The following SPTBN2 variants were observed in gnomAD, a reference collection of about 807,000 sequenced individuals.
The protein encoded by SPTBN2 is spectrin beta, non-erythrocytic 2, also known as spectrin beta chain, non-erythrocytic 2.
In SPTBN2, 107 loss-of-function variants were observed where a neutral mutation model predicts 284.2. The observed-to-expected ratio is 0.38, with a 90% CI of 0.32 to 0.44. The LOEUF (loss-of-function observed/expected upper bound fraction) is 0.44. Ranked by LOEUF, SPTBN2 falls within the 20% of genes least tolerant of loss-of-function variation. The pLI, the probability that SPTBN2 is intolerant of heterozygous loss-of-function variation, is 1.00. For synonymous variants in SPTBN2, 1,289 were observed against 1,354.8 expected (o/e 0.95, Z 1.07); for missense variants, 2,569 against 3,287.1 (o/e 0.78, Z 5.34).
In SPTBN2 at chr11:66,685,532, C is replaced by A; in HGVS notation, c.*339G>T. 1 of 349,260 alleles carries A rather than the reference C, an allele frequency of 2.9e-6. No homozygotes were observed. The highest frequency in any genetic ancestry group is 5.5e-6 in the Non-Finnish European group (1 of 181,774). 21.6% of individuals were successfully genotyped at this position (349,260 alleles called of 1,614,324 possible). On this transcript the variant is annotated 3_prime_UTR_variant, in exon 38 of 38. Coordinates refer to ENST00000533211, the MANE Select transcript of SPTBN2 (RefSeq NM_006946.4). The surrounding 1 kb of genome is among the most constrained non-coding windows in gnomAD (Gnocchi z 4.4). ...GCATGGCAGGAGAATGACCCTGAGG[C>A]AGGGGCAGCCACTCCCCACATGGCC...
intron 1 of SPTBN2, chr11:66,728,045 C>T (rs1942691484): frequency 6.7e-6 from 1 of 149,524 alleles, no homozygotes; most frequent in East Asian, 2.0e-4. Flanking sequence ...CCCCGGCTCA[C>T]CCCGGCCGCC....
chr11:66,709,949 T>C (rs545600257), intron 10 of SPTBN2, among the ~76,000 whole-genome samples: 2 of 152,348 alleles, frequency 1.3e-5, no homozygotes, highest in African/African-American at 4.8e-5. Flanking sequence ...GTCCCCTCTA[T>C]CCTATGCTAG....
At position 66,704,820 on chromosome 11, in the gene SPTBN2, C is replaced by A; in HGVS notation, c.2456G>T (p.Arg819Leu). ...QAAALPPTLS[R>L]TPEVQSRVPT... The stretch of plus-strand genomic sequence containing the variant: ...CACCCGGCTCTGCACCTCGGGCGTG[C>A]GGCTCAGTGTGGGGGGCAGGGCTGC... Residue 819 changes from arginine (R) to leucine (L), a missense_variant, in exon 15 of 38, where the codon CGC (arginine) becomes CTC (leucine). Arg to Leu is a moderately radical substitution (Grantham distance 102). Coordinates refer to ENST00000533211, the MANE Select transcript of SPTBN2 (RefSeq NM_006946.4). 6.2e-7 allele frequency: 1 copy of A among 1,606,446 alleles called. No individual in the cohort carries two copies. Among genetic ancestry groups the A allele is most frequent in the Non-Finnish European group, 8.5e-7 (1 of 1,179,208 alleles).
rs1251068619 is a variant in SPTBN2, at chr11:66,685,352, T to C, written c.*519A>G. On this transcript the variant is annotated 3_prime_UTR_variant, in exon 38 of 38. Transcript: ENST00000533211. This position sits in a 1 kb window ranked among gnomAD's most constrained non-coding sequence, Gnocchi z 4.4. ...CCATTGAGAGCAGCTGGAGATGGAGTGGCAGCTGGAGTTACAGGGTGGGGG... is the reference window on the plus strand; with the variant it reads ...CCATTGAGAGCAGCTGGAGATGGAGCGGCAGCTGGAGTTACAGGGTGGGGG... The C allele has an allele frequency of 1.8e-5, 2 of 112,606 alleles. No individual in the cohort carries two copies. Among genetic ancestry groups the C allele is most frequent in the Admixed American group, 2.2e-4 (2 of 8,986 alleles). 7.0% of individuals were successfully genotyped at this position (112,606 alleles called of 1,614,324 possible). A position where few individuals can be genotyped will look rare whatever the true frequency, so the allele number is the denominator to read the frequency against.
At chr11:66,721,907 C>T (rs1231239446) in intron 1 of SPTBN2, among the ~76,000 whole-genome samples, 6 of 151,600 alleles carry the variant, frequency 4.0e-5, no homozygotes, top group South Asian at 2.1e-4. Flanking sequence ...ATTAGCTGGG[C>T]GTAGTGGCAG....
chr11:66,711,132 C>G, intron 8 of SPTBN2, 103 bp from the exon 9 acceptor site: 1 of 878,802 alleles, frequency 1.1e-6, no homozygotes, highest in South Asian at 1.4e-5. Flanking sequence ...AGGCTGACAT[C>G]TCTCCATCTC....
chr11:66,715,667 T>TAC lies in SPTBN2; in HGVS notation c.309+162_309+163insGT, dbSNP rs1348253632. ...GTCTCCATGAAGCAATGCTCCTATG[T>TAC]AATCTAAGTGGCAAAGGCACTTGAA... On this transcript the variant is annotated intron_variant, in intron 4 of 37. Transcript: ENST00000533211. This position sits in a 1 kb window ranked among gnomAD's most constrained non-coding sequence, Gnocchi z 5.3. Among the ~76,000 whole-genome samples the TAC allele has an allele frequency of 7.2e-5, 11 of 152,244 alleles. No individual in the cohort carries two copies. Among genetic ancestry groups the TAC allele is most frequent in the Non-Finnish European group, 1.5e-4 (10 of 68,042 alleles).
chr11:66,688,903 G>C, intron 30 of SPTBN2, 54 bp from the exon 31 acceptor site: 1 of 1,587,170 alleles, frequency 6.3e-7, no homozygotes, highest in Non-Finnish European at 8.6e-7. Flanking sequence ...CCACTGGCAG[G>C]GCACAGTGGC....
In SPTBN2 at chr11:66,696,467, C is replaced by T. The variant is rs1435332690; in HGVS notation, c.4088G>A (p.Arg1363Lys). The T allele has an allele frequency of 1.2e-6, 2 of 1,612,618 alleles. No individual in the cohort carries two copies. Residue 1363 changes from arginine to lysine, a missense_variant, in exon 21 of 38, where the codon AGG (arginine) becomes AAG (lysine). By Grantham distance (26) the Arg-to-Lys change is conservative (BLOSUM62 2). Coordinates refer to ENST00000533211, the MANE Select transcript of SPTBN2 (RefSeq NM_006946.4). The stretch of plus-strand genomic sequence containing the variant: ...GGTGGTCTCCAGCTCGTCCCAGCGC[C>T]TGTGCAGGTCTCTCAGCTTCTCCGA... ...LVSEKLRDLHRRWDELETTTQ... is the reference protein window; with the variant it reads ...LVSEKLRDLHKRWDELETTTQ...
upstream of SPTBN2, among the ~76,000 whole-genome samples, chr11:66,730,759 A>G (rs1942798233): frequency 6.6e-6 from 1 of 152,170 alleles, no homozygotes; most frequent in Admixed American, 6.5e-5. Flanking sequence ...TATCTTTTAT[A>G]ATTTCCTATT....
rs1939920396 is a variant in SPTBN2 at position 66,683,501 on chromosome 11, T to C, written c.*2370A>G. ...GTTGTCTTTCCTGGAATTTTTTCTT[T>C]CTTCCACTCACAGCTGAAGGTGTTT... On this transcript the variant is annotated 3_prime_UTR_variant, in exon 38 of 38. Transcript: ENST00000533211. Among the ~76,000 whole-genome samples the C allele has an allele frequency of 3.9e-5, 6 of 152,368 alleles. No individual in the cohort carries two copies. The South Asian group carries it at 1.2e-3, about 32-fold the overall frequency.
chr11:66,744,258 T>C (rs1037055034), intron 1 of SPTBN2, among the ~76,000 whole-genome samples: 5 of 152,252 alleles, frequency 3.3e-5, no homozygotes, highest in Admixed American at 6.5e-5. Context: ...TCGCTGTCTA[T>C]ATGAAATTCA....
Position 66,688,731 on chromosome 11 carries a change from G to C in SPTBN2, c.6153C>G (p.Leu2051=). The C allele has an allele frequency of 6.2e-7, 1 of 1,613,788 alleles. No individual in the cohort carries two copies. The highest frequency in any genetic ancestry group is 8.5e-7 in the Non-Finnish European group (1 of 1,180,022). Residue 2051 remains leucine, a synonymous_variant, in exon 31 of 38, where the codon CTC becomes CTG. Coordinates refer to ENST00000533211, the MANE Select transcript of SPTBN2 (RefSeq NM_006946.4). The stretch of plus-strand genomic sequence containing the variant: ...TCTGGAAGGCCTCGTGCCGCTTGAT[G>C]AGGCTCTCAACTTCGTCGACCGTGC... ...LGCTVDEVES[L]IKRHEAFQKS... is the part of the protein sequence containing the mutation.
chr11:66,707,400 C>T lies in SPTBN2; in HGVS notation c.1653+116G>A. On this transcript the variant is annotated intron_variant, in intron 13 of 37. Transcript: ENST00000533211. The surrounding 1 kb of genome is among the most constrained non-coding windows in gnomAD (Gnocchi z 4.9). ...TTGTTCCCTGCAACTGGGGACAGGG[C>T]CCTGTGCTGGTTCACACTCCACAGA... 5.3e-6 allele frequency: 6 copies of T among 1,122,990 alleles called. No homozygotes were observed. The South Asian group carries it at 8.7e-5, about 16-fold the overall frequency. 69.6% of individuals were successfully genotyped at this position (1,122,990 alleles called of 1,614,324 possible).
At chr11:66,720,440 A>G (rs531813907) in intron 3 of SPTBN2, among the ~76,000 whole-genome samples, 1 of 152,300 alleles carries the variant, frequency 6.6e-6, no homozygotes, top group Non-Finnish European at 1.5e-5. Flanking sequence ...CTCCCCCGGA[A>G]GACAGGGAGG....
At chr11:66,721,008 A>C (rs1406675306) in intron 3 of SPTBN2, 76 bp downstream of exon 3, 5 of 1,597,278 alleles carry the variant, frequency 3.1e-6, no homozygotes, top group Non-Finnish European at 4.3e-6. Context: ...CTTCCCATAA[A>C]GTTAAAGGGC....
Position 66,707,934 on chromosome 11 carries a change from G to T in SPTBN2, c.1351-116C>A. ...TCCCAGCTCCATGCGGTGGCTCTAA[G>T]TTCCCTCTCTATCCCACCCCCATCC... On this transcript the variant is annotated intron_variant, in intron 12 of 37. Transcript: ENST00000533211. This position sits in a 1 kb window ranked among gnomAD's most constrained non-coding sequence, Gnocchi z 4.9. The T allele has an allele frequency of 7.0e-7, 1 of 1,434,898 alleles. No individual in the cohort carries two copies. Among genetic ancestry groups the T allele is most frequent in the East Asian group, 2.4e-5 (1 of 42,476 alleles). 88.9% of individuals were successfully genotyped at this position (1,434,898 alleles called of 1,614,324 possible).
Position 66,691,343 on chromosome 11 carries a change from C to A in SPTBN2, c.5506G>T (p.Glu1836Ter). ...GCACAGTGTCGGCGCTGCAGGGCCT[C>A]GGCAGCGTTGAGGTCGCGGCCAGTC... ...DGTGRDLNAA[E>*]ALQRRHCAYE... Residue 1836 changes from glutamate (E) to a stop codon, truncating the protein, a stop_gained, in exon 27 of 38, where the codon GAG becomes TAG. Coordinates refer to ENST00000533211, the MANE Select transcript of SPTBN2 (RefSeq NM_006946.4). LOFTEE classifies it high-confidence loss of function. This position sits in a 1 kb window ranked among gnomAD's most constrained non-coding sequence, Gnocchi z 8.0. 6.4e-7 allele frequency: 1 copy of A among 1,566,136 alleles called. No homozygotes were observed. The highest frequency in any genetic ancestry group is 8.7e-7 in the Non-Finnish European group (1 of 1,152,146).
chr11:66,701,818 C>T, intron 15 of SPTBN2, 97 bp from the exon 16 acceptor site: 1 of 1,543,146 alleles, frequency 6.5e-7, no homozygotes, highest in South Asian at 1.1e-5. Flanking sequence ...AGGGTGTCTC[C>T]TTCACCAGGA....
Sources: gnomAD v4.1 joint callset for allele counts (sites outside exome capture counted in the v4.1 genomes callset) on GRCh38, gnomAD v4.1.1 for gene constraint, Gnocchi (gnomAD v3.1) non-coding constraint, MANE v1.5 for transcripts, NCBI Gene and HGNC (gene_info 2026-07-23, HGNC 2026-07-21) for gene names.